The following SLC19A1 variants were observed in gnomAD, a reference collection of about 807,000 sequenced individuals.
The protein encoded by SLC19A1 is solute carrier family 19 member 1, also known as reduced folate transporter.
In SLC19A1, 37 loss-of-function variants were observed where a neutral mutation model predicts 35.3. The observed-to-expected ratio is 1.05, with a 90% CI of 0.81 to 1.38. The LOEUF (loss-of-function observed/expected upper bound fraction) is 1.38. SLC19A1 is among the 40% of genes most tolerant of loss of function. The probability of loss-of-function intolerance (pLI) is 0.00; values close to 1 mark genes in which losing one functional copy is unlikely to be tolerated. For missense variants in SLC19A1, 831 were observed against 826.9 expected, an observed-to-expected ratio of 1.00 and a Z score of -0.06; for synonymous variants, 460 against 398.5, an observed-to-expected ratio of 1.15 and a Z score of -1.84.
chr21:45,542,706 G>A (rs61490678), upstream of SLC19A1, among the ~76,000 whole-genome samples: 8 of 34,588 alleles, frequency 2.3e-4, no homozygotes, highest in South Asian at 9.7e-4. Flanking sequence ...CCCCACCCCC[G>A]CCGGCGTCAG....
At chr21:45,555,537 G>C (rs2146507915) in intron 1 of SLC19A1, among the ~76,000 whole-genome samples, 1 of 149,256 alleles carries the variant, frequency 6.7e-6, no homozygotes, top group South Asian at 2.1e-4. Flanking sequence ...TGCAGGGGGC[G>C]GCGGCGGGGG....
At chr21:45,538,088 G>A (rs934327057) in intron 1 of SLC19A1, 80 bp from the exon 2 acceptor site, 23 of 768,062 alleles carry the variant, frequency 3.0e-5, no homozygotes, top group Non-Finnish European at 4.0e-5. Context: ...GCCCAGTGCC[G>A]GCCTCCTCGC....
intron 2 of SLC19A1, among the ~76,000 whole-genome samples, chr21:45,532,938 G>A (rs1008247059): frequency 2.6e-5 from 4 of 152,170 alleles, no homozygotes; most frequent in South Asian, 2.1e-4. Context: ...GGGGGAACCC[G>A]GCAGGGGAAG....
downstream of SLC19A1, chr21:45,512,463 G>T (rs1228915082): frequency 1.5e-5 from 22 of 1,512,858 alleles, no homozygotes; most frequent in Non-Finnish European, 2.0e-5. Flanking sequence ...ACCGTGGGCA[G>T]GGAGCGGCCG....
rs201335891 is a variant in SLC19A1, at chr21:45,537,741, C to T, written c.189+30G>A. ...TGCTCCCCGCCCACCCACCCACAGGCGGCCGCCCGGCACCCCGGCACCCAC... is the reference window on the plus strand; with the variant it reads ...TGCTCCCCGCCCACCCACCCACAGGTGGCCGCCCGGCACCCCGGCACCCAC... On this transcript the variant is annotated intron_variant, in intron 2 of 5. Coordinates refer to ENST00000311124, the MANE Select transcript of SLC19A1 (RefSeq NM_194255.4). 7.5e-5 allele frequency: 91 copies of T among 1,217,632 alleles called. 1 individual carries two copies. The East Asian group carries it at 2.1e-3, about 28-fold the overall frequency. The allele number at this position is 1,217,632 out of a possible 1,614,324, so 75.4% of individuals were successfully genotyped here. A position where few individuals can be genotyped will look rare whatever the true frequency, so the allele number is the denominator to read the frequency against.
chr21:45,512,689 G>A lies in SLC19A1; in HGVS notation c.*2969C>T, dbSNP rs148610040. ...GTATCATGCCCTGTGCAACCTCTTG[G>A]CCTGATCAGACCACGGCTCGATTTC... On this transcript the variant is annotated 3_prime_UTR_variant, in exon 6 of 6. Coordinates refer to ENST00000311124, the MANE Select transcript of SLC19A1 (RefSeq NM_194255.4). The A allele has an allele frequency of 2.0e-4, 102 of 497,644 alleles. No individual in the cohort carries two copies. The highest frequency in any genetic ancestry group is 3.2e-4 in the Non-Finnish European group (88 of 272,416). 30.8% of individuals were successfully genotyped at this position (497,644 alleles called of 1,614,324 possible). A position where few individuals can be genotyped will look rare whatever the true frequency, so the allele number is the denominator to read the frequency against.
At chr21:45,508,332 T>G (rs1363645028), downstream of SLC19A1, among the ~76,000 whole-genome samples, 1 of 148,476 alleles carries the variant, frequency 6.7e-6, no homozygotes, top group Non-Finnish European at 1.5e-5. Context: ...AGTGGATAGA[T>G]GGGCAGATGG....
At chr21:45,508,951 G>A (rs973335689), downstream of SLC19A1, among the ~76,000 whole-genome samples, 1 of 152,276 alleles carries the variant, frequency 6.6e-6, no homozygotes, top group African/African-American at 2.4e-5. Flanking sequence ...CAGGCCTGGG[G>A]GCTGGGATTT....
chr21:45,552,433 G>A (rs530062934), intron 1 of SLC19A1, among the ~76,000 whole-genome samples: 6 of 149,136 alleles, frequency 4.0e-5, no homozygotes, highest in Middle Eastern at 3.5e-3. Context: ...CTGTTGGGTC[G>A]GGGGCCCCAG....
chr21:45,545,580 AG>A (rs979170316), upstream of SLC19A1, among the ~76,000 whole-genome samples: 3 of 152,068 alleles, frequency 2.0e-5, no homozygotes, highest in African/African-American at 7.3e-5. Flanking sequence ...ACACAAAAAC[AG>A]CCCCCCTCAT....
chr21:45,550,022 T>C (rs2078450432), intron 1 of SLC19A1, among the ~76,000 whole-genome samples: 1 of 151,992 alleles, frequency 6.6e-6, no homozygotes, highest in Non-Finnish European at 1.5e-5. Flanking sequence ...TTGGGAACTG[T>C]CTCTCCCCGG....
rs751638387 is a variant in SLC19A1, at chr21:45,503,889, G to C, written c.498-5277C>G. Reference sequence around the variant, plus strand: ...CTAGGAAGAACCTAATTAAATACGCGATCTCTACCGCGAAATGGCTAGAAG... The same window carrying C: ...CTAGGAAGAACCTAATTAAATACGCCATCTCTACCGCGAAATGGCTAGAAG... On this transcript the variant is annotated intron_variant, in intron 3 of 4. Coordinates refer to the SLC19A1 transcript ENST00000417954. 4 of 935,944 alleles carry C rather than the reference G, an allele frequency of 4.3e-6. No homozygotes were observed. In the Admixed American group the frequency reaches 5.5e-5, roughly 13 times the overall value. The allele number at this position is 935,944 out of a possible 1,614,324, so 58.0% of individuals were successfully genotyped here. A position where few individuals can be genotyped will look rare whatever the true frequency, so the allele number is the denominator to read the frequency against.
rs1462046100 is a variant in SLC19A1, at chr21:45,513,948, G to A, written c.*1710C>T. ...CAGGTACACAGGCATGCACGGGTGTGTGGACACACACCAACACTCTTAGGT... is the reference window on the plus strand; with the variant it reads ...CAGGTACACAGGCATGCACGGGTGTATGGACACACACCAACACTCTTAGGT... On this transcript the variant is annotated 3_prime_UTR_variant, in exon 6 of 6. Coordinates refer to ENST00000311124, the MANE Select transcript of SLC19A1 (RefSeq NM_194255.4). 6.6e-6 allele frequency: 1 copy of A among 152,294 alleles called. No homozygotes were observed. Among genetic ancestry groups the A allele is most frequent in the Non-Finnish European group, 1.5e-5 (1 of 68,090 alleles). 9.4% of individuals were successfully genotyped at this position (152,294 alleles called of 1,614,324 possible).
At chr21:45,551,916 C>T (rs1306902317) in intron 1 of SLC19A1, among the ~76,000 whole-genome samples, 1 of 152,146 alleles carries the variant, frequency 6.6e-6, no homozygotes, top group Non-Finnish European at 1.5e-5. Flanking sequence ...GCCTTTATGT[C>T]CGTACTTTAG....
downstream of SLC19A1, chr21:45,511,008 CCCCCACACATCCACACCCCACATCCA>C: frequency 3.3e-5 from 1 of 30,208 alleles, no homozygotes; most frequent in Non-Finnish European, 6.0e-5. Flanking sequence ...ACACACCCCC[CCCCCACACATCCACACCCCACATCCA>C]CACACCCCCC....
At chr21:45,538,745 C>A (rs577380976) in intron 1 of SLC19A1, among the ~76,000 whole-genome samples, 3 of 152,162 alleles carry the variant, frequency 2.0e-5, no homozygotes, top group Non-Finnish European at 4.4e-5. Context: ...CCAGCATCCC[C>A]GGCGGCAGGT....
chr21:45,514,904 G>T lies in SLC19A1; in HGVS notation c.*754C>A. 1.7e-6 allele frequency: 2 copies of T among 1,211,362 alleles called. No individual in the cohort carries two copies. The highest frequency in any genetic ancestry group is 1.8e-5 in the South Asian group (1 of 56,176). The allele number at this position is 1,211,362 out of a possible 1,614,324, so 75.0% of individuals were successfully genotyped here. A position where few individuals can be genotyped will look rare whatever the true frequency, so the allele number is the denominator to read the frequency against. ...GCAAGCCTGGCACATACCAAGGCCA[G>T]CACGTCCGCGGTGACCGGGACCAGT... is the stretch of plus-strand genomic sequence containing the variant. On this transcript the variant is annotated 3_prime_UTR_variant, in exon 6 of 6. Transcript: ENST00000311124.
rs904717187 is a variant in SLC19A1, at chr21:45,540,421, G to A, written c.-50+1947C>T. On this transcript the variant is annotated intron_variant, in intron 1 of 5. Transcript: ENST00000311124. This position sits in a 1 kb window ranked among gnomAD's most constrained non-coding sequence, Gnocchi z 5.5. ...ACCCCCAGGGGCCCGGGAGCCCTGG[G>A]TACTTGGGCCCCCTGTTCTGAAAGG... Among the ~76,000 whole-genome samples the A allele has an allele frequency of 6.6e-6, 1 of 152,172 alleles. No homozygotes were observed. Among genetic ancestry groups the A allele is most frequent in the Non-Finnish European group, 1.5e-5 (1 of 68,030 alleles).
intron 1 of SLC19A1, among the ~76,000 whole-genome samples, chr21:45,554,625 G>T (rs749505340): frequency 2.7e-5 from 4 of 145,490 alleles, no homozygotes; most frequent in Non-Finnish European, 6.0e-5. Flanking sequence ...GTCCCTGCAC[G>T]GGGCAGCGGC....
Sources: gnomAD v4.1 joint callset for allele counts (sites outside exome capture counted in the v4.1 genomes callset) on GRCh38, gnomAD v4.1.1 for gene constraint, Gnocchi (gnomAD v3.1) non-coding constraint, MANE v1.5 for transcripts, NCBI Gene and HGNC (gene_info 2026-07-23, HGNC 2026-07-21) for gene names.